Variants in NHSL2 observed in about 807,000 individuals in gnomAD.
NHSL2 encodes NHS like 2, also known as NHS-like protein 2.
A neutral mutation model predicts 53.4 loss-of-function variants in NHSL2; 27 were observed. The ratio of observed to expected loss-of-function variants is 0.51; its 90% CI spans 0.37 to 0.70. The LOEUF (loss-of-function observed/expected upper bound fraction) is 0.70. NHSL2 is among the 30% of genes least tolerant of loss of function. The probability of loss-of-function intolerance (pLI) is 0.00; values close to 1 mark genes in which losing one functional copy is unlikely to be tolerated. For missense variants in NHSL2, 892 were observed against 980.1 expected, an observed-to-expected ratio of 0.91 and a Z score of 1.20; for synonymous variants, 408 against 404.1, an observed-to-expected ratio of 1.01 and a Z score of -0.12.
At chrX:72,043,551 G>A (rs755734007) in intron 1 of NHSL2, among the ~76,000 whole-genome samples, 78 of 110,673 alleles carry the variant, frequency 7.0e-4, no homozygotes, top group African/African-American at 2.1e-3. Flanking sequence ...GCCGGGATTC[G>A]ACCCCAAGCA....
intron 1 of NHSL2, among the ~76,000 whole-genome samples, chrX:71,920,690 A>G (rs777333285): frequency 8.9e-6 from 1 of 112,472 alleles, no homozygotes; most frequent in Non-Finnish European, 1.9e-5. Flanking sequence ...ATACTTGTGG[A>G]TAATGAGCAT....
In NHSL2 at chrX:72,139,843, C is replaced by A; in HGVS notation, c.2295C>A (p.Pro765=). The stretch of plus-strand genomic sequence containing the variant: ...CGACGTCACCAATGGAGAAATTTCC[C>A]AAGTCACGGCTATCATTTGACCTAC... The part of the protein sequence containing the change: ...LPPTSPMEKF[P]KSRLSFDLPL... The change falls in exon 6 of 8, where the codon CCC becomes CCA. Residue 765 remains proline, a synonymous_variant. Coordinates refer to ENST00000633930, the MANE Select transcript of NHSL2 (RefSeq NM_001013627.3). 1.7e-6 allele frequency: 2 copies of A among 1,210,259 alleles called. No homozygotes were observed. Among genetic ancestry groups the A allele is most frequent in the Admixed American group, 4.3e-5 (2 of 46,023 alleles).
chrX:72,085,501 T>C (rs535660964), intron 1 of NHSL2, among the ~76,000 whole-genome samples: 5 of 111,768 alleles, frequency 4.5e-5, no homozygotes, highest in African/African-American at 1.6e-4. Context: ...CATCTGCTCT[T>C]CCATATCTTG....
intron 1 of NHSL2, among the ~76,000 whole-genome samples, chrX:72,084,913 A>T (rs367777717): frequency 8.9e-6 from 1 of 112,051 alleles, no homozygotes; most frequent in African/African-American, 3.2e-5. Flanking sequence ...TTACAGAGGC[A>T]AACAAGTCAC....
intron 1 of NHSL2, among the ~76,000 whole-genome samples, chrX:71,939,434 T>C (rs1323653870): frequency 8.9e-6 from 1 of 111,968 alleles, no homozygotes; most frequent in African/African-American, 3.3e-5. Flanking sequence ...CTGCTTAAGA[T>C]ATTTGTGATG....
chrX:72,055,535 A>C (rs1295086772), intron 1 of NHSL2, among the ~76,000 whole-genome samples: 3 of 112,204 alleles, frequency 2.7e-5, no homozygotes, highest in Non-Finnish European at 5.6e-5. Flanking sequence ...ACCTTGACTT[A>C]TTCCAAAAAG....
chrX:72,021,368 TC>T (rs1158942119), intron 1 of NHSL2, among the ~76,000 whole-genome samples: 1 of 112,180 alleles, frequency 8.9e-6, no homozygotes, highest in Non-Finnish European at 1.9e-5. Context: ...TCACTGCCTG[TC>T]ACCCAATTCT....
chrX:72,011,693 C>A (rs1301474222), intron 1 of NHSL2, among the ~76,000 whole-genome samples: 2 of 111,468 alleles, frequency 1.8e-5, no homozygotes, highest in Non-Finnish European at 3.8e-5. Flanking sequence ...AACTGGCAAA[C>A]TGTTTTCCAG....
chrX:71,920,115 G>A (rs1179594201), intron 1 of NHSL2, among the ~76,000 whole-genome samples: 1 of 112,316 alleles, frequency 8.9e-6, no homozygotes, highest in Admixed American at 9.4e-5. Context: ...GATATGAAGC[G>A]AGGAAAACCT....
intron 1 of NHSL2, among the ~76,000 whole-genome samples, chrX:72,028,026 A>G (rs980767905): frequency 9.0e-6 from 1 of 111,349 alleles, no homozygotes; most frequent in Non-Finnish European, 1.9e-5. Context: ...TGCTGCTGCT[A>G]GAGGAATGGA....
chrX:72,115,097 G>A (rs893342574), intron 1 of NHSL2, among the ~76,000 whole-genome samples: 10 of 111,533 alleles, frequency 9.0e-5, no homozygotes, highest in African/African-American at 2.6e-4. Flanking sequence ...CAGCGAGGTC[G>A]TGATGAGGCA....
In NHSL2 at chrX:71,994,031, A is replaced by G. The variant is rs142398352; in HGVS notation, c.280+82664A>G. Among the ~76,000 whole-genome samples, 882 of 111,836 alleles carry G rather than the reference A, an allele frequency of 7.9e-3. 2 individuals carry two copies. The highest frequency in any genetic ancestry group is 0.011 in the Non-Finnish European group (604 of 53,152). On this transcript the variant is annotated intron_variant, in intron 1 of 7. Transcript: ENST00000633930. Reference sequence around the variant, plus strand: ...TCTTGGTCTTCCACATCTAGCTCCAATGGCATCTCTGAGCCACTTTCTCTG... The same window carrying G: ...TCTTGGTCTTCCACATCTAGCTCCAGTGGCATCTCTGAGCCACTTTCTCTG...
intron 1 of NHSL2, among the ~76,000 whole-genome samples, chrX:72,105,782 G>A: frequency 8.9e-6 from 1 of 112,130 alleles, no homozygotes; most frequent in Non-Finnish European, 1.9e-5. Flanking sequence ...CATTTTTAAA[G>A]AGAGAAATAT....
intron 1 of NHSL2, chrX:72,131,055 G>A: frequency 8.3e-7 from 1 of 1,210,578 alleles, no homozygotes; most frequent in African/African-American, 1.7e-5. Context: ...ATTCAGCCAG[G>A]TAGACTGGGT....
chrX:72,071,327 G>A (rs2041700415), intron 1 of NHSL2, among the ~76,000 whole-genome samples: 1 of 112,465 alleles, frequency 8.9e-6, no homozygotes, highest in African/African-American at 3.2e-5. Context: ...CTGCCTTGGA[G>A]CTGAAGGCTT....
chrX:71,995,004 G>T (rs1233592654), intron 1 of NHSL2, among the ~76,000 whole-genome samples: 3 of 111,667 alleles, frequency 2.7e-5, no homozygotes, highest in Non-Finnish European at 5.7e-5. Context: ...CAGACCCCTG[G>T]CCTTGCCCCC....
At chrX:72,126,461 T>C (rs1206236269) in intron 1 of NHSL2, among the ~76,000 whole-genome samples, 1 of 111,564 alleles carries the variant, frequency 9.0e-6, no homozygotes, top group Non-Finnish European at 1.9e-5. Context: ...TAGTTAGTTC[T>C]TTCCCCCCAG....
At chrX:72,127,154 A>G (rs780910485) in intron 1 of NHSL2, 1 of 111,675 alleles carries the variant, frequency 9.0e-6, no homozygotes, top group South Asian at 3.8e-4. Flanking sequence ...AAGCTTTAGC[A>G]TACAGAGCAG....
intron 1 of NHSL2, among the ~76,000 whole-genome samples, chrX:72,102,311 C>T (rs1391214426): frequency 8.9e-6 from 1 of 112,071 alleles, no homozygotes; most frequent in Non-Finnish European, 1.9e-5. Context: ...TGAGGGTAGT[C>T]TAGGAGTCTC....
Sources: allele counts gnomAD v4.1 joint callset (sites outside exome capture counted in the v4.1 genomes callset), GRCh38; gene constraint gnomAD v4.1.1; transcripts MANE v1.5; gene names NCBI Gene and HGNC (gene_info 2026-07-23, HGNC 2026-07-21).